CFAP44: variants seen among roughly 807,000 people sequenced by gnomAD.
CFAP44 encodes the protein cilia and flagella associated protein 44, also known as cilia- and flagella-associated protein 44.
A neutral mutation model predicts 216.2 loss-of-function variants in CFAP44; 134 were observed. The observed-to-expected ratio is 0.62, with a 90% CI of 0.54 to 0.72. The LOEUF (loss-of-function observed/expected upper bound fraction) is 0.72. Ranked by LOEUF, CFAP44 falls within the 30% of genes least tolerant of loss-of-function variation. The pLI is 0.00. For synonymous variants in CFAP44, 700 were observed against 727.6 expected (o/e 0.96, Z 0.61); for missense variants, 2,035 against 2,182.1 (o/e 0.93, Z 1.34).
At chr3:113,365,852 G>C (rs1950582065) in intron 19 of CFAP44, among the ~76,000 whole-genome samples, 187 bp downstream of exon 19, 1 of 151,680 alleles carries the variant, frequency 6.6e-6, no homozygotes, top group African/African-American at 2.4e-5. Context: ...AATAATAAGG[G>C]GAATGTAATA....
intron 15 of CFAP44, among the ~76,000 whole-genome samples, chr3:113,388,808 A>G (rs1231865608): frequency 2.0e-5 from 3 of 152,246 alleles, no homozygotes; most frequent in African/African-American, 7.2e-5. Context: ...AAAGAGGTCA[A>G]TTCAGTAAAA....
At chr3:113,351,946 GTTACCC>G (rs1455270378) in intron 22 of CFAP44, among the ~76,000 whole-genome samples, 1 of 152,148 alleles carries the variant, frequency 6.6e-6, no homozygotes, top group African/African-American at 2.4e-5. Context: ...GACCTAGAGA[GTTACCC>G]TCTGGAGGAC....
At chr3:113,432,277 T>C (rs1279152809) in intron 2 of CFAP44, 1 of 152,196 alleles carries the variant, frequency 6.6e-6, no homozygotes, top group Non-Finnish European at 1.5e-5. Context: ...TAGAGCTTTG[T>C]AAGGGAGTTG....
intron 1 of CFAP44, among the ~76,000 whole-genome samples, chr3:113,438,007 G>C (rs1935276297): frequency 6.6e-6 from 1 of 152,136 alleles, no homozygotes; most frequent in South Asian, 2.1e-4. Context: ...TTTATATACA[G>C]AGTTCTCAAC....
In CFAP44 at chr3:113,377,011, A is replaced by G. The variant is rs74698056; in HGVS notation, c.2298+2295T>C. Among the ~76,000 whole-genome samples the G allele has an allele frequency of 8.6e-3, 1,311 of 152,280 alleles. 17 individuals carry two copies. The highest frequency in any genetic ancestry group is 0.021 in the African/African-American group (887 of 41,558). ...AGGAGACTGTTCTCCAATTATAACA[A>G]TAGGCAAAGCAGACAAAAGGAATAT... On this transcript the variant is annotated intron_variant, in intron 17 of 34. Coordinates refer to ENST00000393845, the MANE Select transcript of CFAP44 (RefSeq NM_001164496.2).
Position 113,289,895 on chromosome 3 carries a change from G to C in CFAP44, c.*1662C>G, listed in dbSNP as rs1949812744. On this transcript the variant is annotated 3_prime_UTR_variant, in exon 35 of 35. Coordinates refer to ENST00000393845, the MANE Select transcript of CFAP44 (RefSeq NM_001164496.2). ...GCCTAATGGCCAAGGGAGTGAATTT[G>C]CTAATAGCCCCTCCAGCTCCAGCCA... The C allele has an allele frequency of 6.6e-6, 1 of 152,306 alleles. No individual in the cohort carries two copies. Among genetic ancestry groups the C allele is most frequent in the Non-Finnish European group, 1.5e-5 (1 of 68,124 alleles). The allele number at this position is 152,306 out of a possible 1,614,324, so 9.4% of individuals were successfully genotyped here.
intron 5 of CFAP44, among the ~76,000 whole-genome samples, chr3:113,418,317 C>A (rs181027864): frequency 6.6e-6 from 1 of 152,192 alleles, no homozygotes; most frequent in East Asian, 1.9e-4. Context: ...GAACTCCTGG[C>A]CTCAAGTGAT....
At chr3:113,388,482 A>G (rs1933709879) in intron 15 of CFAP44, among the ~76,000 whole-genome samples, 1 of 152,220 alleles carries the variant, frequency 6.6e-6, no homozygotes, top group African/African-American at 2.4e-5. Context: ...GAGAAGAAAG[A>G]GAAGACCACA....
rs542450129 is a variant in CFAP44, at chr3:113,378,285, C to T, written c.2298+1021G>A. On this transcript the variant is annotated intron_variant, in intron 17 of 34. Transcript: ENST00000393845. ...AACCATGTTTTCTTTATCCCTTTAT[C>T]CTTTGAACTCCATACAATAGTAGCC... Among the ~76,000 whole-genome samples the T allele has an allele frequency of 7.2e-4, 109 of 152,250 alleles. 1 individual carries two copies. The highest frequency in any genetic ancestry group is 2.4e-3 in the African/African-American group (99 of 41,542).
At chr3:113,329,318 CTGGAAGGAAGTCATTACTGG>C (rs1238867497) in intron 26 of CFAP44, among the ~76,000 whole-genome samples, 3 of 152,194 alleles carry the variant, frequency 2.0e-5, no homozygotes, top group East Asian at 1.9e-4. Flanking sequence ...TAACTCAACT[CTGGAAGGAAGTCATTACTGG>C]TGGAAGGAAG....
chr3:113,303,590 A>G (rs997717786), intron 32 of CFAP44, among the ~76,000 whole-genome samples: 1 of 152,210 alleles, frequency 6.6e-6, no homozygotes, highest in Non-Finnish European at 1.5e-5. Context: ...CATTAGAAAG[A>G]GATGGGGCTT....
Position 113,425,989 on chromosome 3 carries a change from G to A in CFAP44, c.407+135C>T, listed in dbSNP as rs1934949086. 1.3e-5 allele frequency: 13 copies of A among 977,426 alleles called. No individual in the cohort carries two copies. The South Asian group carries it at 2.2e-4, about 17-fold the overall frequency. The allele number at this position is 977,426 out of a possible 1,614,324, so 60.5% of individuals were successfully genotyped here. A position where few individuals can be genotyped will look rare whatever the true frequency, so the allele number is the denominator to read the frequency against. On this transcript the variant is annotated intron_variant, in intron 4 of 34. Coordinates refer to ENST00000393845, the MANE Select transcript of CFAP44 (RefSeq NM_001164496.2). ...AAACAAAATGTAAGCAAATGGATGT[G>A]GCTGTGTTGCAATAAAACTTGATTT... is the stretch of plus-strand genomic sequence containing the variant.
intron 24 of CFAP44, among the ~76,000 whole-genome samples, chr3:113,336,188 G>C (rs1461848816): frequency 6.6e-6 from 1 of 151,988 alleles, no homozygotes; most frequent in Non-Finnish European, 1.5e-5. Context: ...TTAAACCTAA[G>C]TTAACTAGAA....
At chr3:113,429,587 TTTATA>T (rs1935049785) in intron 2 of CFAP44, among the ~76,000 whole-genome samples, 1 of 152,180 alleles carries the variant, frequency 6.6e-6, no homozygotes, top group Non-Finnish European at 1.5e-5. Flanking sequence ...TCTCTGCCTT[TTTATA>T]TTAATGTTCA....
intron 18 of CFAP44, among the ~76,000 whole-genome samples, chr3:113,368,848 C>T (rs1041814246): frequency 1.3e-5 from 2 of 152,162 alleles, no homozygotes; most frequent in Non-Finnish European, 2.9e-5. Flanking sequence ...GGAGACCCAT[C>T]TCACTTACAG....
chr3:113,412,836 G>A (rs966957274), intron 6 of CFAP44, among the ~76,000 whole-genome samples: 3 of 152,094 alleles, frequency 2.0e-5, no homozygotes, highest in South Asian at 2.1e-4. Context: ...ATAAACATAC[G>A]TGTGCATGTC....
At chr3:113,294,134 T>C in intron 34 of CFAP44, 1 of 447,532 alleles carries the variant, frequency 2.2e-6, no homozygotes, top group South Asian at 1.6e-5. Flanking sequence ...TGGAATATGC[T>C]ATACATGTGT....
Position 113,366,251 on chromosome 3 carries a change from G to C in CFAP44, c.2503C>G (p.Leu835Val). The change falls in exon 19 of 35, where the codon CTA becomes GTA. Residue 835 changes from leucine to valine, a missense_variant. By Grantham distance (32) the Leu-to-Val change is conservative. Transcript: ENST00000393845. ...GTCAATGAAGGATCATTTTGATTTAGGACATAGACTCGAATTGCTCCATTT... is the reference window on the plus strand; with the variant it reads ...GTCAATGAAGGATCATTTTGATTTACGACATAGACTCGAATTGCTCCATTT... ...MKNGAIRVYV[L>V]NQNDPSLTSL... 1 of 1,613,284 alleles carries C rather than the reference G, an allele frequency of 6.2e-7. No homozygotes were observed. The highest frequency in any genetic ancestry group is 1.3e-5 in the African/African-American group (1 of 75,012).
chr3:113,363,292 C>G lies in CFAP44; in HGVS notation c.2787G>C (p.Arg929Ser). 1 of 1,607,740 alleles carries G rather than the reference C, an allele frequency of 6.2e-7. No individual in the cohort carries two copies. Among genetic ancestry groups the G allele is most frequent in the Non-Finnish European group, 8.5e-7 (1 of 1,178,342 alleles). ...DPKAYSIENA[R>S]RKREHDKLMK... ...TTAACTTGTCATGTTCTCTTTTTCT[C>G]CTAGCATTCTCGATACTGAAAACAG... The change falls in exon 21 of 35, where the codon AGG becomes AGC. Residue 929 changes from arginine to serine, a missense_variant. Transcript: ENST00000393845.
Sources: gnomAD v4.1 joint callset for allele counts (sites outside exome capture counted in the v4.1 genomes callset) on GRCh38, gnomAD v4.1.1 for gene constraint, MANE v1.5 for transcripts, NCBI Gene and HGNC (gene_info 2026-07-23, HGNC 2026-07-21) for gene names.